Variants in CALML3 observed in about 807,000 individuals in gnomAD.
CALML3 encodes calmodulin like 3.
For synonymous variants in CALML3, 98 were observed against 89.9 expected (o/e 1.09, Z -0.51); for missense variants, 198 against 214.1 (o/e 0.92, Z 0.47).
rs756286191 is a variant in CALML3, at chr10:5,526,764, C to T, written c.*1229C>T. On this transcript the variant is annotated 3_prime_UTR_variant, in exon 1 of 1. Transcript: ENST00000315238. ...TATGTTTTGCGGGATGGGCACTAGA[C>T]GGAGCTCATCAGAAAAGGCCATGGT... 6 of 166,832 alleles carry T rather than the reference C, an allele frequency of 3.6e-5. No homozygotes were observed. The highest frequency in any genetic ancestry group is 1.9e-4 in the East Asian group (1 of 5,200). 10.3% of individuals were successfully genotyped at this position (166,832 alleles called of 1,614,324 possible). A position where few individuals can be genotyped will look rare whatever the true frequency, so the allele number is the denominator to read the frequency against.
Position 5,525,763 on chromosome 10 carries a change from G to T in CALML3, c.*228G>T. On this transcript the variant is annotated 3_prime_UTR_variant, in exon 1 of 1. Coordinates refer to ENST00000315238, the MANE Select transcript of CALML3 (RefSeq NM_005185.4). ...ATGACACGGAACGCTCCCACTGCAG[G>T]CAAACCGTGACGCCCTCCCCACTCG... 1.4e-6 allele frequency: 2 copies of T among 1,424,084 alleles called. No individual in the cohort carries two copies. Among genetic ancestry groups the T allele is most frequent in the Non-Finnish European group, 1.8e-6 (2 of 1,084,940 alleles). The allele number at this position is 1,424,084 out of a possible 1,614,324, so 88.2% of individuals were successfully genotyped here.
At position 5,526,227 on chromosome 10, in the gene CALML3, G is replaced by A. The variant is rs993853988; in HGVS notation, c.*692G>A. 1 of 166,964 alleles carries A rather than the reference G, an allele frequency of 6.0e-6. No individual in the cohort carries two copies. Among genetic ancestry groups the A allele is most frequent in the Non-Finnish European group, 1.5e-5 (1 of 68,120 alleles). The allele number at this position is 166,964 out of a possible 1,614,324, so 10.3% of individuals were successfully genotyped here. Reference sequence around the variant, plus strand: ...AGGGAGGCTTGGATGAGCAGGGGATGAGAGCTGCAGGGAAATAAATGAGAT... The same window carrying A: ...AGGGAGGCTTGGATGAGCAGGGGATAAGAGCTGCAGGGAAATAAATGAGAT... On this transcript the variant is annotated 3_prime_UTR_variant, in exon 1 of 1. Coordinates refer to ENST00000315238, the MANE Select transcript of CALML3 (RefSeq NM_005185.4).
Position 5,524,986 on chromosome 10 carries a change from C to G in CALML3, c.-100C>G, listed in dbSNP as rs948603300. ...GAGACAGCCCGCCGGCCGCCCGGAT[C>G]TCCACCTGCCACCCCAGAGCTGGGA... On this transcript the variant is annotated 5_prime_UTR_variant, in exon 1 of 1. In the 5' UTR this introduces an upstream ATG that the reference lacks. Transcript: ENST00000315238. 2.8e-5 allele frequency: 25 copies of G among 880,964 alleles called. No homozygotes were observed. In the African/African-American group the frequency reaches 4.2e-4, roughly 15 times the overall value. The allele number at this position is 880,964 out of a possible 1,614,324, so 54.6% of individuals were successfully genotyped here. A position where few individuals can be genotyped will look rare whatever the true frequency, so the allele number is the denominator to read the frequency against.
chr10:5,525,831 T>G lies in CALML3; in HGVS notation c.*296T>G. The G allele has an allele frequency of 8.0e-7, 1 of 1,244,130 alleles. No homozygotes were observed. The highest frequency in any genetic ancestry group is 1.0e-6 in the Non-Finnish European group (1 of 969,318). 77.1% of individuals were successfully genotyped at this position (1,244,130 alleles called of 1,614,324 possible). On this transcript the variant is annotated 3_prime_UTR_variant, in exon 1 of 1. Transcript: ENST00000315238. ...CTTAGGACCGAGCACCAGGGCAGGTTGCGCTGACTCTGCGGCCCTCCAGGA... is the reference window on the plus strand; with the variant it reads ...CTTAGGACCGAGCACCAGGGCAGGTGGCGCTGACTCTGCGGCCCTCCAGGA...
Position 5,526,109 on chromosome 10 carries a change from C to G in CALML3, c.*574C>G, listed in dbSNP as rs1365617764. 1 of 168,626 alleles carries G rather than the reference C, an allele frequency of 5.9e-6. No homozygotes were observed. The highest frequency in any genetic ancestry group is 2.4e-5 in the African/African-American group (1 of 41,476). The allele number at this position is 168,626 out of a possible 1,614,324, so 10.4% of individuals were successfully genotyped here. ...TGCCTTCCGCGCTGCCCCAGCTTGCCCCATTCCTTGTCCGCCAACCCACCG... is the reference window on the plus strand; with the variant it reads ...TGCCTTCCGCGCTGCCCCAGCTTGCGCCATTCCTTGTCCGCCAACCCACCG... On this transcript the variant is annotated 3_prime_UTR_variant, in exon 1 of 1. Coordinates refer to ENST00000315238, the MANE Select transcript of CALML3 (RefSeq NM_005185.4).
chr10:5,525,403 G>A lies in CALML3; in HGVS notation c.318G>A (p.Leu106=), dbSNP rs1142825. ...ACGGCTTCGTCAGCGCCGCCGAGCTGCGACACGTCATGACCCGGCTGGGGG... is the reference window on the plus strand; with the variant it reads ...ACGGCTTCGTCAGCGCCGCCGAGCTACGACACGTCATGACCCGGCTGGGGG... ...DGNGFVSAAE[L]RHVMTRLGEK... is the part of the protein sequence containing the mutation. Residue 106 remains leucine, a synonymous_variant, in exon 1 of 1, where the codon CTG becomes CTA. Transcript: ENST00000315238. The A allele has an allele frequency of 0.28, 452,865 of 1,613,558 alleles. 69,379 individuals carry two copies. The highest frequency in any genetic ancestry group is 0.61 in the East Asian group (27,556 of 44,838).
chr10:5,525,441 A>T lies in CALML3; in HGVS notation c.356A>T (p.Asp119Val), dbSNP rs1265537115. ...VMTRLGEKLS[D>V]EEVDEMIRAA... ...ACCCGGCTGGGGGAGAAGCTGAGTG[A>T]CGAGGAGGTGGACGAGATGATCCGG... Residue 119 changes from aspartate (D) to valine (V), a missense_variant, in exon 1 of 1, where the codon GAC becomes GTC. Coordinates refer to ENST00000315238, the MANE Select transcript of CALML3 (RefSeq NM_005185.4). The T allele has an allele frequency of 3.7e-6, 6 of 1,613,838 alleles. No homozygotes were observed. The highest frequency in any genetic ancestry group is 5.1e-6 in the Non-Finnish European group (6 of 1,179,998).
Position 5,525,555 on chromosome 10 carries a change from C to A in CALML3, c.*20C>A. The A allele has an allele frequency of 6.4e-7, 1 of 1,561,930 alleles. No homozygotes were observed. Among genetic ancestry groups the A allele is most frequent in the Non-Finnish European group, 8.7e-7 (1 of 1,151,424 alleles). On this transcript the variant is annotated 3_prime_UTR_variant, in exon 1 of 1. Coordinates refer to ENST00000315238, the MANE Select transcript of CALML3 (RefSeq NM_005185.4). ...AAGTGAGGCCGGCGCCCACCATGCTCCTGGGCGCCCACGCGGCCCACAGGG... is the reference window on the plus strand; with the variant it reads ...AAGTGAGGCCGGCGCCCACCATGCTACTGGGCGCCCACGCGGCCCACAGGG...
Position 5,525,028 on chromosome 10 carries a change from G to T in CALML3, c.-58G>T, listed in dbSNP as rs907021193. ...GAGCTGGGACAGCAGCCGGGCTGCG[G>T]CACTGGGAGGGAGACCCCACAGTGG... On this transcript the variant is annotated 5_prime_UTR_variant, in exon 1 of 1. Coordinates refer to ENST00000315238, the MANE Select transcript of CALML3 (RefSeq NM_005185.4). 1.5e-6 allele frequency: 2 copies of T among 1,312,084 alleles called. No homozygotes were observed. The highest frequency in any genetic ancestry group is 1.9e-5 in the Admixed American group (1 of 51,350). The allele number at this position is 1,312,084 out of a possible 1,614,324, so 81.3% of individuals were successfully genotyped here. A position where few individuals can be genotyped will look rare whatever the true frequency, so the allele number is the denominator to read the frequency against.
In CALML3 at chr10:5,525,319, G is replaced by A. The variant is rs757569842; in HGVS notation, c.234G>A (p.Lys78=). ...EFLGMMARKM[K]DTDNEEEIRE... ...TGGGCATGATGGCCAGGAAGATGAA[G>A]GACACGGACAACGAGGAGGAGATCC... The change falls in exon 1 of 1, where the codon AAG becomes AAA. Residue 78 remains lysine (K), a synonymous_variant. Coordinates refer to ENST00000315238, the MANE Select transcript of CALML3 (RefSeq NM_005185.4). The A allele has an allele frequency of 6.2e-7, 1 of 1,613,942 alleles. No homozygotes were observed.
chr10:5,525,678 C>T lies in CALML3; in HGVS notation c.*143C>T, dbSNP rs1174656426. The T allele has an allele frequency of 6.9e-7, 1 of 1,449,542 alleles. No homozygotes were observed. 89.8% of individuals were successfully genotyped at this position (1,449,542 alleles called of 1,614,324 possible). A position where few individuals can be genotyped will look rare whatever the true frequency, so the allele number is the denominator to read the frequency against. On this transcript the variant is annotated 3_prime_UTR_variant, in exon 1 of 1. Transcript: ENST00000315238. Reference sequence around the variant, plus strand: ...CTGGTTGATTCAGCCCACCTCTCTGCATCCCGCTTCCCGCGTCTCTTCTCT... The same window carrying T: ...CTGGTTGATTCAGCCCACCTCTCTGTATCCCGCTTCCCGCGTCTCTTCTCT...
rs778196441 is a variant in CALML3 at position 5,525,417 on chromosome 10, C to A, written c.332C>A (p.Thr111Asn). 3 of 1,613,844 alleles carry A rather than the reference C, an allele frequency of 1.9e-6. No homozygotes were observed. The highest frequency in any genetic ancestry group is 1.1e-5 in the South Asian group (1 of 91,074). The change falls in exon 1 of 1, where the codon ACC becomes AAC. Residue 111 changes from threonine (T) to asparagine (N), a missense_variant. Coordinates refer to ENST00000315238, the MANE Select transcript of CALML3 (RefSeq NM_005185.4). Reference sequence around the variant, plus strand: ...GCCGCCGAGCTGCGACACGTCATGACCCGGCTGGGGGAGAAGCTGAGTGAC... The same window carrying A: ...GCCGCCGAGCTGCGACACGTCATGAACCGGCTGGGGGAGAAGCTGAGTGAC... ...VSAAELRHVM[T>N]RLGEKLSDEE...
Position 5,525,405 on chromosome 10 carries a change from G to A in CALML3, c.320G>A (p.Arg107Gln), listed in dbSNP as rs779161238. The A allele has an allele frequency of 2.9e-5, 46 of 1,613,750 alleles. No homozygotes were observed. The highest frequency in any genetic ancestry group is 1.8e-4 in the Admixed American group (11 of 59,996). The change falls in exon 1 of 1, where the codon CGA (arginine) becomes CAA (glutamine). Residue 107 changes from arginine to glutamine, a missense_variant. Arg to Gln is a conservative substitution (Grantham distance 43). Transcript: ENST00000315238. ...GNGFVSAAEL[R>Q]HVMTRLGEKL... The stretch of plus-strand genomic sequence containing the variant: ...GGCTTCGTCAGCGCCGCCGAGCTGC[G>A]ACACGTCATGACCCGGCTGGGGGAG...
chr10:5,525,651 G>T lies in CALML3; in HGVS notation c.*116G>T, dbSNP rs1304863210. 8.9e-6 allele frequency: 13 copies of T among 1,453,276 alleles called. No individual in the cohort carries two copies. The highest frequency in any genetic ancestry group is 2.8e-5 in the Admixed American group (1 of 35,350). The allele number at this position is 1,453,276 out of a possible 1,614,324, so 90.0% of individuals were successfully genotyped here. On this transcript the variant is annotated 3_prime_UTR_variant, in exon 1 of 1. Coordinates refer to ENST00000315238, the MANE Select transcript of CALML3 (RefSeq NM_005185.4). Reference sequence around the variant, plus strand: ...CCTGGGCACTGTGGCTTCCTCCTGCGCCTGGTTGATTCAGCCCACCTCTCT... The same window carrying T: ...CCTGGGCACTGTGGCTTCCTCCTGCTCCTGGTTGATTCAGCCCACCTCTCT...
At position 5,525,243 on chromosome 10, in the gene CALML3, T is replaced by A; in HGVS notation, c.158T>A (p.Met53Lys). 1 of 1,613,894 alleles carries A rather than the reference T, an allele frequency of 6.2e-7. No homozygotes were observed. Reference sequence around the variant, plus strand: ...ACGGAGGCCGAGCTGCGGGACATGATGAGTGAGATCGACCGGGACGGCAAC... The same window carrying A: ...ACGGAGGCCGAGCTGCGGGACATGAAGAGTGAGATCGACCGGGACGGCAAC... ...NPTEAELRDM[M>K]SEIDRDGNGT... The change falls in exon 1 of 1, where the codon ATG becomes AAG. Residue 53 changes from methionine to lysine, a missense_variant. Transcript: ENST00000315238.
rs1833566130 is a variant in CALML3 at position 5,525,321 on chromosome 10, A to T, written c.236A>T (p.Asp79Val). The change falls in exon 1 of 1, where the codon GAC (aspartate) becomes GTC (valine). Residue 79 changes from aspartate (D) to valine (V), a missense_variant. Physicochemically the swap from Asp to Val is radical, Grantham distance 152. Transcript: ENST00000315238. ...FLGMMARKMK[D>V]TDNEEEIREA... The stretch of plus-strand genomic sequence containing the variant: ...GGCATGATGGCCAGGAAGATGAAGG[A>T]CACGGACAACGAGGAGGAGATCCGC... The T allele has an allele frequency of 6.2e-7, 1 of 1,613,840 alleles. No homozygotes were observed. The highest frequency in any genetic ancestry group is 1.3e-5 in the African/African-American group (1 of 74,912).
rs1329549560 is a variant in CALML3, at chr10:5,526,209, C to G, written c.*674C>G. 4 of 166,686 alleles carry G rather than the reference C, an allele frequency of 2.4e-5. No individual in the cohort carries two copies. Among genetic ancestry groups the G allele is most frequent in the African/African-American group, 9.7e-5 (4 of 41,302 alleles). The allele number at this position is 166,686 out of a possible 1,614,324, so 10.3% of individuals were successfully genotyped here. ...TCCTATTCATCTGGAAGGAGGGAGG[C>G]TTGGATGAGCAGGGGATGAGAGCTG... On this transcript the variant is annotated 3_prime_UTR_variant, in exon 1 of 1. Coordinates refer to ENST00000315238, the MANE Select transcript of CALML3 (RefSeq NM_005185.4).
chr10:5,525,779 T>C lies in CALML3; in HGVS notation c.*244T>C. The C allele has an allele frequency of 7.1e-7, 1 of 1,404,844 alleles. No homozygotes were observed. The highest frequency in any genetic ancestry group is 9.3e-7 in the Non-Finnish European group (1 of 1,073,100). The allele number at this position is 1,404,844 out of a possible 1,614,324, so 87.0% of individuals were successfully genotyped here. On this transcript the variant is annotated 3_prime_UTR_variant, in exon 1 of 1. Coordinates refer to ENST00000315238, the MANE Select transcript of CALML3 (RefSeq NM_005185.4). ...CCACTGCAGGCAAACCGTGACGCCCTCCCCACTCGGGAGAAGCAGAGCTGA... is the reference window on the plus strand; with the variant it reads ...CCACTGCAGGCAAACCGTGACGCCCCCCCCACTCGGGAGAAGCAGAGCTGA...
Position 5,525,603 on chromosome 10 carries a change from TCCTCCCCCATCCCCCTG to T in CALML3, c.*76_*92del. The stretch of plus-strand genomic sequence containing the variant: ...GGGCAAGAACCCGGGGCCTCCCGCC[TCCTCCCCCATCCCCCTG>T]CCTCCCCTGGGCACTGTGGCTTCCT... On this transcript the variant is annotated 3_prime_UTR_variant, in exon 1 of 1. Transcript: ENST00000315238. 1 of 1,028,926 alleles carries T rather than the reference TCCTCCCCCATCCCCCTG, an allele frequency of 9.7e-7. No individual in the cohort carries two copies. 63.7% of individuals were successfully genotyped at this position (1,028,926 alleles called of 1,614,324 possible). A position where few individuals can be genotyped will look rare whatever the true frequency, so the allele number is the denominator to read the frequency against.
Sources: gnomAD v4.1 joint callset for allele counts on GRCh38, gnomAD v4.1.1 for gene constraint, MANE v1.5 for transcripts, NCBI Gene and HGNC (gene_info 2026-07-23, HGNC 2026-07-21) for gene names.